SKOR1: variants seen among roughly 807,000 people sequenced by gnomAD.
SKOR1 encodes the protein SKI family transcriptional corepressor 1.
In SKOR1, 38 loss-of-function variants were observed where a neutral mutation model predicts 72.4. The observed-to-expected ratio is 0.52, with a 90% CI of 0.40 to 0.69. The LOEUF is 0.69. Ranked by LOEUF, SKOR1 falls within the 30% of genes least tolerant of loss-of-function variation. The probability of loss-of-function intolerance (pLI) is 0.00; values close to 1 mark genes in which losing one functional copy is unlikely to be tolerated. For synonymous variants in SKOR1, 642 were observed against 599.4 expected (o/e 1.07, Z -1.04); for missense variants, 1,320 against 1,343.2 (o/e 0.98, Z 0.27).
rs1356649102 is a variant in SKOR1 at position 67,827,389 on chromosome 15, G to C, written c.1561G>C (p.Ala521Pro). The C allele has an allele frequency of 6.5e-7, 1 of 1,546,668 alleles. No individual in the cohort carries two copies. Among genetic ancestry groups the C allele is most frequent in the Non-Finnish European group, 8.7e-7 (1 of 1,155,260 alleles). ...KAVAAAVAAA[A>P]AAAAAAAGSG... ...CGTGGCGGCAGCCGTGGCGGCGGCA[G>C]CGGCGGCGGCAGCGGCAGCTGCTGG... The change falls in exon 2 of 9, where the codon GCG becomes CCG. Residue 521 changes from alanine to proline, a missense_variant. Transcript: ENST00000380035.
Position 67,827,296 on chromosome 15 carries a change from A to T in SKOR1, c.1468A>T (p.Met490Leu), listed in dbSNP as rs746796048. The T allele has an allele frequency of 6.3e-7, 1 of 1,587,846 alleles. No individual in the cohort carries two copies. The highest frequency in any genetic ancestry group is 2.3e-5 in the East Asian group (1 of 43,636). The change falls in exon 2 of 9, where the codon ATG becomes TTG. Residue 490 changes from methionine (M) to leucine (L), a missense_variant. By Grantham distance (15) the Met-to-Leu change is conservative. This residue lies in a region of SKOR1 where 1,099 missense variants were observed against 1,025.5 expected (regional missense o/e 1.07). Coordinates refer to ENST00000380035, the MANE Select transcript of SKOR1 (RefSeq NM_001365915.1). Reference sequence around the variant, plus strand: ...CGCCACTGTGTACCCGACGTTTCCCATGTTCTGGCCAGCAGCAGGCAGCCT... The same window carrying T: ...CGCCACTGTGTACCCGACGTTTCCCTTGTTCTGGCCAGCAGCAGGCAGCCT... ...AAATVYPTFPMFWPAAGSLPV... is the reference protein window; with the variant it reads ...AAATVYPTFPLFWPAAGSLPV...
At chr15:67,830,997 C>T in intron 5 of SKOR1, 108 bp downstream of exon 5, 1 of 1,139,096 alleles carries the variant, frequency 8.8e-7, no homozygotes, top group Non-Finnish European at 1.3e-6. Context: ...AGACACTCAC[C>T]AAGGCCTTGG....
At position 67,828,046 on chromosome 15, in the gene SKOR1, G is replaced by T; in HGVS notation, c.2218G>T (p.Asp740Tyr). The T allele has an allele frequency of 6.5e-7, 1 of 1,539,192 alleles. No individual in the cohort carries two copies. Among genetic ancestry groups the T allele is most frequent in the Non-Finnish European group, 8.7e-7 (1 of 1,144,940 alleles). The change falls in exon 2 of 9, where the codon GAC becomes TAC. Residue 740 changes from aspartate to tyrosine, a missense_variant. Around this residue, in one of 3 missense-constraint regions of SKOR1, gnomAD observed 1,099 missense variants for 1,025.5 expected, o/e 1.07. Transcript: ENST00000380035. ...RPAFGDLAAE[D>Y]LVRRPERSPP... is the part of the protein sequence containing the mutation. ...CGCATTTGGGGACTTGGCAGCCGAAGACTTGGTGCGGAGACCTGAGAGGAG... is the reference window on the plus strand; with the variant it reads ...CGCATTTGGGGACTTGGCAGCCGAATACTTGGTGCGGAGACCTGAGAGGAG...
intron 2 of SKOR1, among the ~76,000 whole-genome samples, chr15:67,828,812 C>G (rs998747704): frequency 1.3e-5 from 2 of 152,136 alleles, no homozygotes; most frequent in Admixed American, 1.3e-4. Context: ...CCTGTACATT[C>G]GGTTCATTAA....
At position 67,825,941 on chromosome 15, in the gene SKOR1, G is replaced by C. The variant is rs768403393; in HGVS notation, c.113G>C (p.Gly38Ala). ...FLAARAFLRS[G>A]GMEALTTQLG... Reference sequence around the variant, plus strand: ...CTGCTTTCTCTATTTCGCAGGAGCGGCGGCATGGAGGCTCTCACCACTCAG... The same window carrying C: ...CTGCTTTCTCTATTTCGCAGGAGCGCCGGCATGGAGGCTCTCACCACTCAG... Residue 38 changes from glycine to alanine, a missense_variant, in exon 2 of 9, where the codon GGC becomes GCC. Coordinates refer to ENST00000380035, the MANE Select transcript of SKOR1 (RefSeq NM_001365915.1). This position sits in a 1 kb window ranked among gnomAD's most constrained non-coding sequence, Gnocchi z 5.6. 1 of 1,514,882 alleles carries C rather than the reference G, an allele frequency of 6.6e-7. No individual in the cohort carries two copies. The highest frequency in any genetic ancestry group is 8.8e-7 in the Non-Finnish European group (1 of 1,134,404). 93.8% of individuals were successfully genotyped at this position (1,514,882 alleles called of 1,614,324 possible).
Position 67,827,748 on chromosome 15 carries a change from C to G in SKOR1, c.1920C>G (p.Ser640Arg). Residue 640 changes from serine to arginine, a missense_variant, in exon 2 of 9, where the codon AGC (serine) becomes AGG (arginine). By Grantham distance (110) the Ser-to-Arg change is moderately radical. This residue lies in a region of SKOR1 where 1,099 missense variants were observed against 1,025.5 expected (regional missense o/e 1.07). Transcript: ENST00000380035. ...GCTACGTGAGCCCGGACTTTCTGAG[C>G]GAGGGCAGCTCCAGCTACAATTCCG... is the stretch of plus-strand genomic sequence containing the variant. Reference protein sequence around the residue: ...SGGYVSPDFLSEGSSSYNSAS... With the variant: ...SGGYVSPDFLREGSSSYNSAS... 3.2e-6 allele frequency: 5 copies of G among 1,549,674 alleles called. No homozygotes were observed. Among genetic ancestry groups the G allele is most frequent in the South Asian group, 1.2e-5 (1 of 84,126 alleles).
rs1407842193 is a variant in SKOR1 at position 67,834,514 on chromosome 15, C to A, written c.*678C>A. On this transcript the variant is annotated 3_prime_UTR_variant, in exon 9 of 9. Coordinates refer to ENST00000380035, the MANE Select transcript of SKOR1 (RefSeq NM_001365915.1). This position sits in a 1 kb window ranked among gnomAD's most constrained non-coding sequence, Gnocchi z 5.8. The stretch of plus-strand genomic sequence containing the variant: ...ACCTGGAGCCTGTTTGGGGAGACCA[C>A]CCTGTACCCGTGACTTTCGTTTTTA... 2 of 151,422 alleles carry A rather than the reference C, an allele frequency of 1.3e-5. No homozygotes were observed. Among genetic ancestry groups the A allele is most frequent in the Non-Finnish European group, 2.9e-5 (2 of 67,986 alleles). 9.4% of individuals were successfully genotyped at this position (151,422 alleles called of 1,614,324 possible).
At chr15:67,830,917 A>G (rs746312689) in intron 5 of SKOR1, 28 bp downstream of exon 5, 1 of 1,609,240 alleles carries the variant, frequency 6.2e-7, no homozygotes, top group South Asian at 1.1e-5. Flanking sequence ...AAAAAGGTGT[A>G]CGCTGTGCTT....
In SKOR1 at chr15:67,826,680, A is replaced by T; in HGVS notation, c.852A>T (p.Gly284=). ...GTRKRTFSLQ[G]GGGGGANGGS... ...GCAAGCGGACCTTCTCCCTACAAGGAGGCGGCGGAGGCGGTGCCAATGGCG... is the reference window on the plus strand; with the variant it reads ...GCAAGCGGACCTTCTCCCTACAAGGTGGCGGCGGAGGCGGTGCCAATGGCG... Residue 284 remains glycine, a synonymous_variant, in exon 2 of 9, where the codon GGA becomes GGT. Transcript: ENST00000380035. 1 of 1,565,172 alleles carries T rather than the reference A, an allele frequency of 6.4e-7. No individual in the cohort carries two copies. The highest frequency in any genetic ancestry group is 2.4e-5 in the East Asian group (1 of 42,426).
rs561967141 is a variant in SKOR1, at chr15:67,832,749, G to A, written c.2737+68G>A. The A allele has an allele frequency of 2.1e-3, 2,598 of 1,248,850 alleles. 6 individuals are homozygous for A. Among genetic ancestry groups the A allele is most frequent in the Non-Finnish European group, 2.8e-3 (2,396 of 851,494 alleles). 77.4% of individuals were successfully genotyped at this position (1,248,850 alleles called of 1,614,324 possible). A position where few individuals can be genotyped will look rare whatever the true frequency, so the allele number is the denominator to read the frequency against. ...CCTCTCGTCTGGCAGGAGCCGCAAT[G>A]TTGGCTCAGTCATTTGGATTTAAAT... On this transcript the variant is annotated intron_variant, in intron 7 of 8. Transcript: ENST00000380035. The surrounding 1 kb of genome is among the most constrained non-coding windows in gnomAD (Gnocchi z 4.5).
rs1325804240 is a variant in SKOR1 at position 67,826,633 on chromosome 15, G to T, written c.805G>T (p.Ala269Ser). Residue 269 changes from alanine to serine, a missense_variant, in exon 2 of 9, where the codon GCC becomes TCC. Ala to Ser is a moderately conservative substitution (Grantham distance 99, BLOSUM62 1). This residue lies in a region of SKOR1 where 1,099 missense variants were observed against 1,025.5 expected (regional missense o/e 1.07). Coordinates refer to ENST00000380035, the MANE Select transcript of SKOR1 (RefSeq NM_001365915.1). ...GAGCCATGCTTGGGAGGACGTCAAG[G>T]CCATGTTTAATGGCGGCACGCGCAA... ...ELSHAWEDVK[A>S]MFNGGTRKRT... 1 of 1,612,544 alleles carries T rather than the reference G, an allele frequency of 6.2e-7. No homozygotes were observed. Among genetic ancestry groups the T allele is most frequent in the Non-Finnish European group, 8.5e-7 (1 of 1,179,358 alleles).
chr15:67,826,889 C>A lies in SKOR1; in HGVS notation c.1061C>A (p.Ala354Asp). 1 of 1,549,132 alleles carries A rather than the reference C, an allele frequency of 6.5e-7. No homozygotes were observed. Among genetic ancestry groups the A allele is most frequent in the South Asian group, 1.2e-5 (1 of 85,344 alleles). Residue 354 changes from alanine (A) to aspartate (D), a missense_variant, in exon 2 of 9, where the codon GCT becomes GAT. Around this residue, in one of 3 missense-constraint regions of SKOR1, gnomAD observed 1,099 missense variants for 1,025.5 expected, o/e 1.07. Coordinates refer to ENST00000380035, the MANE Select transcript of SKOR1 (RefSeq NM_001365915.1). ...CGCGGACTTGGCCTGGCGACTGGAG[C>A]TAGTGGCCCGGCGGGCCCAGGAGGG... Reference protein sequence around the residue: ...PQRGLGLATGASGPAGPGGPG... With the variant: ...PQRGLGLATGDSGPAGPGGPG...
Position 67,832,482 on chromosome 15 carries a change from C to A in SKOR1, c.2663-125C>A. 1.5e-6 allele frequency: 2 copies of A among 1,315,064 alleles called. No homozygotes were observed. Among genetic ancestry groups the A allele is most frequent in the South Asian group, 1.2e-5 (1 of 80,304 alleles). The allele number at this position is 1,315,064 out of a possible 1,614,324, so 81.5% of individuals were successfully genotyped here. A position where few individuals can be genotyped will look rare whatever the true frequency, so the allele number is the denominator to read the frequency against. On this transcript the variant is annotated intron_variant, in intron 6 of 8. Transcript: ENST00000380035. The surrounding 1 kb of genome is among the most constrained non-coding windows in gnomAD (Gnocchi z 4.5). ...CAGGAGACAAGAAACTGTCCTTTTC[C>A]AGGGCTGCAGGCGAATGGCTGGGTG... is the stretch of plus-strand genomic sequence containing the variant.
intron 5 of SKOR1, among the ~76,000 whole-genome samples, chr15:67,831,910 G>GGGGGTGGGC (rs2091010978): frequency 6.8e-6 from 1 of 147,382 alleles, no homozygotes; most frequent in African/African-American, 2.6e-5. Flanking sequence ...GTGCGGGGGG[G>GGGGGTGGGC]GGAGGTCGGG....
In SKOR1 at chr15:67,833,877, C is replaced by T. The variant is rs2091027774; in HGVS notation, c.*41C>T. On this transcript the variant is annotated 3_prime_UTR_variant, in exon 9 of 9. Transcript: ENST00000380035. The surrounding 1 kb of genome is among the most constrained non-coding windows in gnomAD (Gnocchi z 6.0). ...ACCCCTGCGCCCTCAAGCCATGCTG[C>T]TCCTTGTAAATACCCGCTGCTGCGG... The T allele has an allele frequency of 6.3e-7, 1 of 1,582,588 alleles. No individual in the cohort carries two copies. The highest frequency in any genetic ancestry group is 8.6e-7 in the Non-Finnish European group (1 of 1,161,716).
chr15:67,830,719 G>C (rs1597018940), intron 4 of SKOR1, 99 bp from the exon 5 acceptor site: 2 of 1,111,078 alleles, frequency 1.8e-6, no homozygotes, highest in East Asian at 4.7e-5. Context: ...GAAGGTCTAG[G>C]GTAGGTCCCT....
At position 67,826,527 on chromosome 15, in the gene SKOR1, G is replaced by A. The variant is rs1202361000; in HGVS notation, c.699G>A (p.Lys233=). The part of the protein sequence containing the change: ...IFHSHRTPDA[K]YTQPDAANFN... The stretch of plus-strand genomic sequence containing the variant: ...ACTCGCACCGAACACCCGACGCCAA[G>A]TACACGCAGCCCGATGCCGCCAACT... The change falls in exon 2 of 9, where the codon AAG becomes AAA. Residue 233 remains lysine (K), a synonymous_variant. Transcript: ENST00000380035. 6.2e-7 allele frequency: 1 copy of A among 1,613,828 alleles called. No individual in the cohort carries two copies. The highest frequency in any genetic ancestry group is 8.5e-7 in the Non-Finnish European group (1 of 1,179,742).
In SKOR1 at chr15:67,828,106, G is replaced by A; in HGVS notation, c.2278G>A (p.Glu760Lys). 3 of 1,519,252 alleles carry A rather than the reference G, an allele frequency of 2.0e-6. No homozygotes were observed. The highest frequency in any genetic ancestry group is 1.4e-5 in the African/African-American group (1 of 70,066). The allele number at this position is 1,519,252 out of a possible 1,614,324, so 94.1% of individuals were successfully genotyped here. A position where few individuals can be genotyped will look rare whatever the true frequency, so the allele number is the denominator to read the frequency against. The change falls in exon 2 of 9, where the codon GAG becomes AAG. Residue 760 changes from glutamate (E) to lysine (K), a missense_variant. By Grantham distance (56) the Glu-to-Lys change is moderately conservative. Transcript: ENST00000380035. ...CGGCGGCGGCGGCTACGAGCTGCGA[G>A]AGCCTTGCGGGCCCCTAGGAGGCCC... ...PSGGGGYELR[E>K]PCGPLGGPAP...
chr15:67,832,211 A>G lies in SKOR1; in HGVS notation c.2588-63A>G. ...TTTCAGGGTTGTTGGCCAAGGCAGA[A>G]CCTGAGCTCCAAATAACCCTGCTTT... is the stretch of plus-strand genomic sequence containing the variant. On this transcript the variant is annotated intron_variant, in intron 5 of 8. Transcript: ENST00000380035. The surrounding 1 kb of genome is among the most constrained non-coding windows in gnomAD (Gnocchi z 4.5). The G allele has an allele frequency of 1.3e-6, 2 of 1,523,006 alleles. No homozygotes were observed. The highest frequency in any genetic ancestry group is 2.3e-5 in the South Asian group (2 of 88,422). 94.3% of individuals were successfully genotyped at this position (1,523,006 alleles called of 1,614,324 possible).
Sources: gnomAD v4.1 joint callset for allele counts (sites outside exome capture counted in the v4.1 genomes callset) on GRCh38, gnomAD v4.1.1 for gene constraint, gnomAD v4.1.1 regional missense constraint, Gnocchi (gnomAD v3.1) non-coding constraint, MANE v1.5 for transcripts, NCBI Gene and HGNC (gene_info 2026-07-23, HGNC 2026-07-21) for gene names.